Variants in CNTNAP5 observed in about 807,000 individuals in gnomAD.
CNTNAP5 encodes the protein contactin-associated protein-like 5.
Under a neutral mutation model 150.2 loss-of-function variants are expected in CNTNAP5, and 72 were observed. The ratio of observed to expected loss-of-function variants is 0.48; its 90% CI spans 0.40 to 0.58. CNTNAP5 has a LOEUF of 0.58. CNTNAP5 is among the 20% of genes least tolerant of loss of function. The pLI is 0.00. For synonymous variants in CNTNAP5, 672 were observed against 619.8 expected, an observed-to-expected ratio of 1.08 and a Z score of -1.25; for missense variants, 1,636 against 1,626.2, an observed-to-expected ratio of 1.01 and a Z score of -0.10.
At chr2:124,834,186 A>G (rs995402945) in intron 19 of CNTNAP5, among the ~76,000 whole-genome samples, 8 of 152,162 alleles carry the variant, frequency 5.3e-5, no homozygotes, top group African/African-American at 1.4e-4. Context: ...CAAGATTCGC[A>G]CCAGATACCC....
At chr2:124,375,312 G>A (rs149924070) in intron 3 of CNTNAP5, among the ~76,000 whole-genome samples, 4 of 152,180 alleles carry the variant, frequency 2.6e-5, no homozygotes, top group Admixed American at 2.6e-4. Context: ...AGCATAACTG[G>A]TAAGATTAAC....
intron 19 of CNTNAP5, among the ~76,000 whole-genome samples, chr2:124,830,134 T>G (rs1325019052): frequency 5.9e-5 from 9 of 151,916 alleles, no homozygotes; most frequent in Non-Finnish European, 1.0e-4. Flanking sequence ...CTATACAATC[T>G]ACCTAATAAG....
chr2:124,384,100 A>C (rs1486933320), intron 3 of CNTNAP5, among the ~76,000 whole-genome samples: 3 of 152,088 alleles, frequency 2.0e-5, no homozygotes, highest in African/African-American at 7.2e-5. Context: ...ATACATTATT[A>C]TATTATATAT....
At chr2:124,659,558 C>A (rs1243756491) in intron 13 of CNTNAP5, among the ~76,000 whole-genome samples, 1 of 152,180 alleles carries the variant, frequency 6.6e-6, no homozygotes, top group Admixed American at 6.5e-5. Flanking sequence ...AACATATTGA[C>A]CTCACTTGCA....
chr2:124,860,428 CTTCCTTCCTTCCTTCCTTCCTTCT>C (rs1677491024), intron 19 of CNTNAP5, among the ~76,000 whole-genome samples: 1 of 118,704 alleles, frequency 8.4e-6, no homozygotes, highest in Non-Finnish European at 1.5e-5. Flanking sequence ...TCCTTCCTTC[CTTCCTTCCTTCCTTCCTTCCTTCT>C]TTCCTTCCTT....
intron 21 of CNTNAP5, among the ~76,000 whole-genome samples, chr2:124,885,157 T>G (rs1337549474): frequency 6.6e-6 from 1 of 152,004 alleles, no homozygotes; most frequent in Admixed American, 6.6e-5. Context: ...CTCTCAGGCA[T>G]GAGTGGAAGT....
intron 5 of CNTNAP5, among the ~76,000 whole-genome samples, chr2:124,437,336 G>A (rs1355831973): frequency 2.0e-5 from 3 of 152,100 alleles, no homozygotes; most frequent in Non-Finnish European, 4.4e-5. Flanking sequence ...TCACAGTGTG[G>A]TAATGTCCAG....
At chr2:124,217,219 C>G (rs1573843678) in intron 1 of CNTNAP5, among the ~76,000 whole-genome samples, 1 of 149,358 alleles carries the variant, frequency 6.7e-6, no homozygotes, top group East Asian at 2.1e-4. Context: ...CTTTTAGTCT[C>G]TCATTATATT....
chr2:124,794,150 T>TA (rs1681794580), intron 18 of CNTNAP5, among the ~76,000 whole-genome samples: 2 of 152,128 alleles, frequency 1.3e-5, no homozygotes, highest in African/African-American at 4.8e-5. Flanking sequence ...CATCTGGTGC[T>TA]ACTACCTTCT....
chr2:124,762,404 C>T (rs542339184), intron 14 of CNTNAP5, among the ~76,000 whole-genome samples: 2 of 152,096 alleles, frequency 1.3e-5, no homozygotes, highest in African/African-American at 2.4e-5. Context: ...AATATAAGCT[C>T]TCCAATACAA....
rs2104772986 is a variant in CNTNAP5 at position 124,915,326 on chromosome 2, A to C, written c.*1038A>C. 6.0e-6 allele frequency: 1 copy of C among 166,796 alleles called. No individual in the cohort carries two copies. 10.3% of individuals were successfully genotyped at this position (166,796 alleles called of 1,614,324 possible). A position where few individuals can be genotyped will look rare whatever the true frequency, so the allele number is the denominator to read the frequency against. On this transcript the variant is annotated 3_prime_UTR_variant, in exon 24 of 24. Coordinates refer to ENST00000682447, the MANE Select transcript of CNTNAP5 (RefSeq NM_001367498.1). Reference sequence around the variant, plus strand: ...CAATGAAAGAGCCTAAACCATCTTAACTCAGCTTTAAAACAAAAATTAAAT... The same window carrying C: ...CAATGAAAGAGCCTAAACCATCTTACCTCAGCTTTAAAACAAAAATTAAAT...
chr2:124,856,857 T>G (rs1677386478), intron 19 of CNTNAP5, among the ~76,000 whole-genome samples: 2 of 152,144 alleles, frequency 1.3e-5, no homozygotes, highest in Admixed American at 1.3e-4. Flanking sequence ...CTAACATTGA[T>G]CAACTTAAAG....
chr2:124,741,888 A>G (rs1188199223), intron 13 of CNTNAP5, among the ~76,000 whole-genome samples: 1 of 152,096 alleles, frequency 6.6e-6, no homozygotes, highest in Non-Finnish European at 1.5e-5. Flanking sequence ...CTCTCTTTAT[A>G]AGACATTCTA....
At chr2:124,401,600 C>T (rs1379133067) in intron 3 of CNTNAP5, among the ~76,000 whole-genome samples, 1 of 152,168 alleles carries the variant, frequency 6.6e-6, no homozygotes, top group Non-Finnish European at 1.5e-5. Flanking sequence ...TAGGTTCTTC[C>T]ACATGTACCT....
chr2:124,695,762 C>G (rs1031348091), intron 13 of CNTNAP5, among the ~76,000 whole-genome samples: 1 of 152,112 alleles, frequency 6.6e-6, no homozygotes, highest in Non-Finnish European at 1.5e-5. Flanking sequence ...TACCGATGTC[C>G]CCATTGCCCA....
intron 11 of CNTNAP5, among the ~76,000 whole-genome samples, chr2:124,579,811 G>A (rs1696369916): frequency 6.6e-6 from 1 of 152,106 alleles, no homozygotes; most frequent in Admixed American, 6.5e-5. Context: ...CCTAAGTTTT[G>A]GTCACACTCT....
At chr2:124,786,003 A>G (rs1235128925) in intron 17 of CNTNAP5, among the ~76,000 whole-genome samples, 4 of 152,134 alleles carry the variant, frequency 2.6e-5, no homozygotes, top group African/African-American at 9.7e-5. Context: ...GGAGAGGCCA[A>G]GGCAGGAGGA....
intron 3 of CNTNAP5, among the ~76,000 whole-genome samples, chr2:124,359,432 G>C (rs1025943629): frequency 6.6e-6 from 1 of 151,746 alleles, no homozygotes; most frequent in Non-Finnish European, 1.5e-5. Flanking sequence ...GCTTTCTCTT[G>C]TGGGCATTTA....
At chr2:124,836,240 G>T (rs1350303338) in intron 19 of CNTNAP5, among the ~76,000 whole-genome samples, 1 of 152,116 alleles carries the variant, frequency 6.6e-6, no homozygotes, top group Non-Finnish European at 1.5e-5. Context: ...TGAAGTTAAT[G>T]AATGGTTTCC....
Sources: allele counts gnomAD v4.1 joint callset (sites outside exome capture counted in the v4.1 genomes callset), GRCh38; gene constraint gnomAD v4.1.1; transcripts MANE v1.5; gene names NCBI Gene and HGNC (gene_info 2026-07-23, HGNC 2026-07-21).